The following LDLRAD3 variants were observed in gnomAD, a reference collection of about 807,000 sequenced individuals.
The protein encoded by LDLRAD3 is low-density lipoprotein receptor class A domain-containing protein 3.
LDLRAD3 carries 20 observed loss-of-function variants against 29.4 expected under a neutral mutation model. That is an observed-to-expected ratio of 0.68 (90% confidence interval 0.48 to 0.99). The LOEUF is 0.99. Among genes scored for constraint, LDLRAD3 ranks in the 50% least tolerant of loss-of-function variants. The probability of loss-of-function intolerance (pLI) is 0.00; values close to 1 mark genes in which losing one functional copy is unlikely to be tolerated. For missense variants in LDLRAD3, 420 were observed against 454.3 expected (o/e 0.92, Z 0.69); for synonymous variants, 157 against 192.7 (o/e 0.81, Z 1.53).
chr11:36,094,719 T>G (rs185857356), intron 3 of LDLRAD3, among the ~76,000 whole-genome samples: 209 of 152,266 alleles, frequency 1.4e-3, no homozygotes, highest in Non-Finnish European at 2.3e-3. Flanking sequence ...GTATTTTTAG[T>G]AGAGGCAGGG....
At chr11:36,161,674 G>GA (rs1443562655) in intron 4 of LDLRAD3, among the ~76,000 whole-genome samples, 2 of 152,178 alleles carry the variant, frequency 1.3e-5, no homozygotes, top group Non-Finnish European at 2.9e-5. Flanking sequence ...AGAGCGGTAA[G>GA]ATACATTGGT....
chr11:36,106,652 C>T (rs1475598336), intron 4 of LDLRAD3, among the ~76,000 whole-genome samples: 5 of 152,190 alleles, frequency 3.3e-5, no homozygotes, highest in Admixed American at 6.5e-5. Flanking sequence ...CCGTGATGAC[C>T]AGGGTATATT....
intron 4 of LDLRAD3, among the ~76,000 whole-genome samples, chr11:36,215,542 T>G (rs958655369): frequency 2.6e-5 from 4 of 152,044 alleles, no homozygotes; most frequent in Non-Finnish European, 4.4e-5. Context: ...TGTCTTGTGC[T>G]CCCCTTTCGG....
chr11:35,989,935 A>T (rs1851666758), intron 1 of LDLRAD3, among the ~76,000 whole-genome samples: 1 of 152,038 alleles, frequency 6.6e-6, no homozygotes, highest in South Asian at 2.1e-4. Flanking sequence ...ACTTCCAGGG[A>T]TCATCTGAAA....
chr11:36,048,496 A>G (rs1387780726), intron 2 of LDLRAD3, among the ~76,000 whole-genome samples: 2 of 150,122 alleles, frequency 1.3e-5, no homozygotes, highest in Non-Finnish European at 3.0e-5. Flanking sequence ...GAAGAAGTTG[A>G]GTCAGGTCTA....
At chr11:36,105,314 C>T (rs1438069824) in intron 4 of LDLRAD3, among the ~76,000 whole-genome samples, 1 of 151,468 alleles carries the variant, frequency 6.6e-6, no homozygotes, top group African/African-American at 2.4e-5. Context: ...TTCAAGTTGG[C>T]ATTTTTGTCC....
chr11:36,189,567 A>G (rs1020486579), intron 4 of LDLRAD3, among the ~76,000 whole-genome samples: 1 of 150,118 alleles, frequency 6.7e-6, no homozygotes, highest in Non-Finnish European at 1.5e-5. Context: ...CTACGTAACC[A>G]CGAATTTACT....
intron 2 of LDLRAD3, among the ~76,000 whole-genome samples, chr11:36,045,967 C>G (rs1343183748): frequency 1.3e-5 from 2 of 151,952 alleles, no homozygotes; most frequent in African/African-American, 4.8e-5. Flanking sequence ...CTCCCTTCGT[C>G]CCCCACCCCC....
At chr11:36,085,599 T>C (rs2133261223) in intron 3 of LDLRAD3, among the ~76,000 whole-genome samples, 1 of 152,110 alleles carries the variant, frequency 6.6e-6, no homozygotes, top group East Asian at 1.9e-4. Context: ...TGAGGCTCTG[T>C]GAGTTTTTAT....
At chr11:36,077,581 C>T (rs558080751) in intron 2 of LDLRAD3, among the ~76,000 whole-genome samples, 2 of 152,312 alleles carry the variant, frequency 1.3e-5, no homozygotes, top group South Asian at 4.1e-4. Context: ...TGTGGTGGGG[C>T]AGGCAGCTCC....
chr11:35,967,186 A>G (rs113803416), intron 1 of LDLRAD3: 2,835 of 198,698 alleles, frequency 0.014, 112 homozygotes, highest in East Asian at 0.11. Flanking sequence ...TTTCCAGTGC[A>G]GCTGTCTTGG....
chr11:36,044,120 G>A (rs1372364085), intron 2 of LDLRAD3, among the ~76,000 whole-genome samples: 1 of 152,140 alleles, frequency 6.6e-6, no homozygotes, highest in African/African-American at 2.4e-5. Context: ...ACAGTACTGA[G>A]TTCTTCCCCC....
chr11:36,165,173 A>C (rs1463226159), intron 4 of LDLRAD3, among the ~76,000 whole-genome samples: 2 of 152,182 alleles, frequency 1.3e-5, no homozygotes, highest in Non-Finnish European at 2.9e-5. Flanking sequence ...TTTCCCACTT[A>C]TATTAATAAA....
chr11:36,108,074 G>A (rs1167812706), intron 4 of LDLRAD3, among the ~76,000 whole-genome samples: 1 of 152,062 alleles, frequency 6.6e-6, no homozygotes, highest in Non-Finnish European at 1.5e-5. Flanking sequence ...ACTTTGGGAG[G>A]CCGAGGTGGG....
At chr11:35,959,381 C>T (rs1447896047) in intron 1 of LDLRAD3, among the ~76,000 whole-genome samples, 3 of 152,102 alleles carry the variant, frequency 2.0e-5, no homozygotes, top group East Asian at 1.9e-4. Flanking sequence ...TGTATTTGTT[C>T]GTGTAGAACT....
chr11:36,170,269 T>C (rs1337905654), intron 4 of LDLRAD3, among the ~76,000 whole-genome samples: 1 of 149,074 alleles, frequency 6.7e-6, no homozygotes, highest in Non-Finnish European at 1.5e-5. Context: ...CACATATATA[T>C]ACACATATAT....
At chr11:36,172,997 T>C (rs1320445399) in intron 4 of LDLRAD3, among the ~76,000 whole-genome samples, 1 of 152,228 alleles carries the variant, frequency 6.6e-6, no homozygotes, top group Non-Finnish European at 1.5e-5. Context: ...ATCATTTCAA[T>C]TGGGCTGCTT....
intron 4 of LDLRAD3, among the ~76,000 whole-genome samples, chr11:36,187,823 G>A (rs537784279): frequency 1.3e-5 from 2 of 152,280 alleles, no homozygotes; most frequent in Admixed American, 1.3e-4. Context: ...ATGATTACTG[G>A]AGACAAGCCT....
At chr11:36,162,120 A>T (rs531458370) in intron 4 of LDLRAD3, among the ~76,000 whole-genome samples, 74 of 152,304 alleles carry the variant, frequency 4.9e-4, no homozygotes, top group Middle Eastern at 3.4e-3. Context: ...TTTAGCCTCG[A>T]TGTGCTAAGC....
Sources: allele counts gnomAD v4.1 joint callset (sites outside exome capture counted in the v4.1 genomes callset), GRCh38; gene constraint gnomAD v4.1.1; transcripts MANE v1.5; gene names NCBI Gene and HGNC (gene_info 2026-07-23, HGNC 2026-07-21).